The following C11orf54 variants were observed in gnomAD, a reference collection of about 807,000 sequenced individuals.
C11orf54 encodes beta-keto L-gulonate decarboxylase.
A neutral mutation model predicts 35.5 loss-of-function variants in C11orf54; 29 were observed. That is an observed-to-expected ratio of 0.82 (90% CI 0.61 to 1.11). The LOEUF (loss-of-function observed/expected upper bound fraction) is 1.11, where lower values mean the gene tolerates loss of function less well. Among genes scored for constraint, C11orf54 ranks in the 50% most tolerant of loss-of-function variants. The probability of loss-of-function intolerance (pLI) is 0.00; values close to 1 mark genes in which losing one functional copy is unlikely to be tolerated. For synonymous variants in C11orf54, 108 were observed against 121.1 expected (o/e 0.89, Z 0.71); for missense variants, 373 against 369.2 (o/e 1.01, Z -0.08).
At chr11:93,742,565 T>G (rs1450105379) in intron 1 of C11orf54, 6 of 152,202 alleles carry the variant, frequency 3.9e-5, no homozygotes, top group Admixed American at 6.5e-5. Flanking sequence ...TAAAAAGGAA[T>G]GAACTGGTTT....
chr11:93,745,132 A>T (rs1373883490), intron 1 of C11orf54, among the ~76,000 whole-genome samples: 1 of 152,188 alleles, frequency 6.6e-6, no homozygotes, highest in African/African-American at 2.4e-5. Context: ...CCTATCTCAG[A>T]ATAGAACGAA....
Position 93,762,821 on chromosome 11 carries a change from G to A in C11orf54, c.*1133G>A, listed in dbSNP as rs1043679214. On this transcript the variant is annotated 3_prime_UTR_variant, in exon 9 of 9. Coordinates refer to ENST00000354421, the MANE Select transcript of C11orf54 (RefSeq NM_001286069.2). The stretch of plus-strand genomic sequence containing the variant: ...GCTGTTGCTGAACATGACCACTATC[G>A]TTGCTGAAATATAAAATTATACTCA... The A allele has an allele frequency of 2.0e-5, 3 of 152,144 alleles. No homozygotes were observed. The highest frequency in any genetic ancestry group is 6.6e-5 in the Admixed American group (1 of 15,264). 9.4% of individuals were successfully genotyped at this position (152,144 alleles called of 1,614,324 possible).
chr11:93,742,943 A>G (rs1309805193), intron 1 of C11orf54: 1 of 152,198 alleles, frequency 6.6e-6, no homozygotes, highest in Non-Finnish European at 1.5e-5. Context: ...GGGAAGGAAC[A>G]TTTAACTCCT....
At chr11:93,756,768 A>G (rs1943178778) in intron 6 of C11orf54, among the ~76,000 whole-genome samples, 1 of 152,182 alleles carries the variant, frequency 6.6e-6, no homozygotes, top group Non-Finnish European at 1.5e-5. Flanking sequence ...ACACAAAAAT[A>G]TGATTTCAGT....
Position 93,761,934 on chromosome 11 carries a change from T to A in C11orf54, c.*246T>A, listed in dbSNP as rs1943500341. The A allele has an allele frequency of 7.9e-6, 2 of 252,072 alleles. No homozygotes were observed. Among genetic ancestry groups the A allele is most frequent in the South Asian group, 2.9e-4 (2 of 6,970 alleles). 15.6% of individuals were successfully genotyped at this position (252,072 alleles called of 1,614,324 possible). On this transcript the variant is annotated 3_prime_UTR_variant, in exon 9 of 9. Transcript: ENST00000354421. ...TTAAAAAAGTAAAAAATAGAAATTA[T>A]CTCACTACTTAAATCCCATTTTTTT...
At chr11:93,751,423 T>G (rs1399827478) in intron 3 of C11orf54, among the ~76,000 whole-genome samples, 1 of 51,068 alleles carries the variant, frequency 2.0e-5, no homozygotes, top group Admixed American at 2.0e-4. Context: ...TTTTTTTTTT[T>G]GAGACAGAGT....
chr11:93,753,224 G>A lies in C11orf54; in HGVS notation c.155-458G>A, dbSNP rs539117813. Among the ~76,000 whole-genome samples the A allele has an allele frequency of 5.3e-5, 8 of 152,200 alleles. No individual in the cohort carries two copies. The South Asian group carries it at 1.4e-3, about 28-fold the overall frequency. On this transcript the variant is annotated intron_variant, in intron 3 of 8. Transcript: ENST00000354421. ...ACTCCTGACTTCAGGTGATCCACCC[G>A]CCTCAGCCTCCCAAAGTGCTGGGAT...
chr11:93,744,992 G>C (rs1027091271), intron 1 of C11orf54, among the ~76,000 whole-genome samples: 1 of 152,194 alleles, frequency 6.6e-6, no homozygotes, highest in Non-Finnish European at 1.5e-5. Context: ...TTCAAGGGAA[G>C]GTACTGTGCC....
chr11:93,750,002 C>G (rs75375085), intron 2 of C11orf54, among the ~76,000 whole-genome samples: 3 of 152,128 alleles, frequency 2.0e-5, no homozygotes, highest in African/African-American at 7.2e-5. Flanking sequence ...GAAGTTGTTA[C>G]ATGTGATTGC....
chr11:93,757,599 G>GT, intron 7 of C11orf54, 134 bp downstream of exon 7: 1 of 948,940 alleles, frequency 1.1e-6, no homozygotes, highest in Non-Finnish European at 1.5e-6. Context: ...GCACAATCTT[G>GT]GCTCACTGCA....
At chr11:93,748,792 C>T (rs886613931) in intron 2 of C11orf54, among the ~76,000 whole-genome samples, 5 of 150,782 alleles carry the variant, frequency 3.3e-5, no homozygotes, top group African/African-American at 7.3e-5. Flanking sequence ...GCCAAGATCG[C>T]GCCACTGTAC....
chr11:93,760,820 G>A (rs372931118), intron 8 of C11orf54, among the ~76,000 whole-genome samples: 2 of 151,788 alleles, frequency 1.3e-5, no homozygotes, highest in South Asian at 2.1e-4. Flanking sequence ...CACCACACCC[G>A]GCTAATTTTT....
At position 93,761,726 on chromosome 11, in the gene C11orf54, G is replaced by T; in HGVS notation, c.*38G>T. On this transcript the variant is annotated 3_prime_UTR_variant, in exon 9 of 9. Coordinates refer to ENST00000354421, the MANE Select transcript of C11orf54 (RefSeq NM_001286069.2). ...TTATTTAGAAAAAGAAATAATTAAG[G>T]TTAATTAATTGATTGACTTATTAAT... is the stretch of plus-strand genomic sequence containing the variant. 6.6e-7 allele frequency: 1 copy of T among 1,506,376 alleles called. No individual in the cohort carries two copies. Among genetic ancestry groups the T allele is most frequent in the Non-Finnish European group, 9.0e-7 (1 of 1,113,582 alleles). 93.3% of individuals were successfully genotyped at this position (1,506,376 alleles called of 1,614,324 possible).
rs200896390 is a variant in C11orf54 at position 93,761,737 on chromosome 11, G to A, written c.*49G>A. 5 of 1,450,576 alleles carry A rather than the reference G, an allele frequency of 3.4e-6. No individual in the cohort carries two copies. The highest frequency in any genetic ancestry group is 1.4e-5 in the African/African-American group (1 of 69,038). 89.9% of individuals were successfully genotyped at this position (1,450,576 alleles called of 1,614,324 possible). On this transcript the variant is annotated 3_prime_UTR_variant, in exon 9 of 9. Transcript: ENST00000354421. The stretch of plus-strand genomic sequence containing the variant: ...AAGAAATAATTAAGGTTAATTAATT[G>A]ATTGACTTATTAATTAATACTGATA...
At chr11:93,750,033 A>G (rs1942729586) in intron 2 of C11orf54, among the ~76,000 whole-genome samples, 1 of 152,188 alleles carries the variant, frequency 6.6e-6, no homozygotes, top group Non-Finnish European at 1.5e-5. Flanking sequence ...AAAAGTTTAA[A>G]TGTTTGCATT....
chr11:93,754,051 A>G lies in C11orf54; in HGVS notation c.330+14A>G. 1.3e-6 allele frequency: 2 copies of G among 1,597,090 alleles called. No homozygotes were observed. The highest frequency in any genetic ancestry group is 1.7e-6 in the Non-Finnish European group (2 of 1,170,968). ...TTCAATTCTGAGGTCAGCATATATA[A>G]GAAAATTATTTTACTTTATTGGTTT... On this transcript the variant is annotated intron_variant, in intron 5 of 8. Transcript: ENST00000354421.
At chr11:93,755,117 T>C in intron 5 of C11orf54, 93 bp from the exon 6 acceptor site, 1 of 1,276,320 alleles carries the variant, frequency 7.8e-7, no homozygotes, top group South Asian at 1.5e-5. Flanking sequence ...TGAACTAAAA[T>C]GTCTTAAAAG....
intron 8 of C11orf54, 74 bp from the exon 9 acceptor site, chr11:93,761,441 T>A: frequency 7.3e-7 from 1 of 1,374,712 alleles, no homozygotes; most frequent in Admixed American, 2.5e-5. Context: ...TATTGCAACG[T>A]AAAAAGTTAT....
rs1341451048 is a variant in C11orf54 at position 93,753,959 on chromosome 11, A to C, written c.252A>C (p.Ala84=). ...AGGTTTATGATCTGAATAAAATTGC[A>C]AAAGAAATCAAGCTGCCTGGAGCCT... ...QKKVYDLNKI[A]KEIKLPGAFI... The change falls in exon 5 of 9, where the codon GCA becomes GCC. Residue 84 remains alanine (A), a synonymous_variant. Coordinates refer to ENST00000354421, the MANE Select transcript of C11orf54 (RefSeq NM_001286069.2). 8.1e-6 allele frequency: 13 copies of C among 1,613,998 alleles called. No individual in the cohort carries two copies. Among genetic ancestry groups the C allele is most frequent in the Non-Finnish European group, 1.0e-5 (12 of 1,179,986 alleles).
Sources: gnomAD v4.1 joint callset for allele counts (sites outside exome capture counted in the v4.1 genomes callset) on GRCh38, gnomAD v4.1.1 for gene constraint, MANE v1.5 for transcripts, NCBI Gene and HGNC (gene_info 2026-07-23, HGNC 2026-07-21) for gene names.